ADAMTSL1: variants seen among roughly 807,000 people sequenced by gnomAD.
ADAMTSL1 encodes the protein ADAMTS like 1.
ADAMTSL1 carries 126 observed loss-of-function variants against 201.8 expected under a neutral mutation model. That is an observed-to-expected ratio of 0.62 (90% CI 0.54 to 0.72). The LOEUF is 0.72. Among genes scored for constraint, ADAMTSL1 ranks in the 30% least tolerant of loss-of-function variants. ADAMTSL1 has a pLI of 0.00. For synonymous variants in ADAMTSL1, 1,121 were observed against 903.4 expected (o/e 1.24, Z -4.32); for missense variants, 2,679 against 2,277.8 (o/e 1.18, Z -3.59).
intron 1 of ADAMTSL1, among the ~76,000 whole-genome samples, chr9:18,045,598 C>T (rs968448109): frequency 1.3e-5 from 2 of 152,160 alleles, no homozygotes; most frequent in Admixed American, 6.5e-5. Flanking sequence ...TGCCCAAATA[C>T]AAAAGCACTG....
At chr9:18,224,491 G>T (rs982248246) in intron 2 of ADAMTSL1, among the ~76,000 whole-genome samples, 4 of 152,046 alleles carry the variant, frequency 2.6e-5, no homozygotes, top group Non-Finnish European at 4.4e-5. Context: ...AATTTTGGTG[G>T]AGACAAAAAT....
chr9:18,775,999 A>C, intron 18 of ADAMTSL1, 103 bp downstream of exon 18: 10 of 1,430,684 alleles, frequency 7.0e-6, no homozygotes, highest in Non-Finnish European at 9.4e-6. Flanking sequence ...TGTGGGAAAT[A>C]GTGGGACAGT....
chr9:18,541,074 T>TTAAA (rs1820105500), intron 3 of ADAMTSL1, among the ~76,000 whole-genome samples: 1 of 152,360 alleles, frequency 6.6e-6, no homozygotes, highest in African/African-American at 2.4e-5. Flanking sequence ...TGCTCTCATG[T>TTAAA]TAAAGTCAGA....
chr9:18,832,070 G>A (rs1490263033), intron 23 of ADAMTSL1, among the ~76,000 whole-genome samples: 1 of 152,172 alleles, frequency 6.6e-6, no homozygotes. Flanking sequence ...AAACACCATT[G>A]CTTTAAGACT....
chr9:18,625,668 T>A (rs79438518), intron 5 of ADAMTSL1, among the ~76,000 whole-genome samples: 1,996 of 152,344 alleles, frequency 0.013, 21 homozygotes, highest in South Asian at 0.033. Context: ...ACAAGATTTA[T>A]TGACTTATAC....
At chr9:18,124,830 G>T (rs984892389) in intron 1 of ADAMTSL1, among the ~76,000 whole-genome samples, 27 of 152,166 alleles carry the variant, frequency 1.8e-4, no homozygotes, top group African/African-American at 6.3e-4. Flanking sequence ...TTAGTTTTCT[G>T]GTCCGAAGTG....
At chr9:17,956,151 A>G (rs1042359096) in intron 1 of ADAMTSL1, among the ~76,000 whole-genome samples, 3 of 152,142 alleles carry the variant, frequency 2.0e-5, no homozygotes, top group Non-Finnish European at 4.4e-5. Context: ...AGAAATTTAC[A>G]TTTTTCATAA....
chr9:18,871,090 G>A (rs537552712), intron 23 of ADAMTSL1, among the ~76,000 whole-genome samples: 15 of 152,268 alleles, frequency 9.9e-5, no homozygotes, highest in Admixed American at 7.8e-4. Flanking sequence ...GGCATTAAAT[G>A]TAATATTTTG....
At chr9:18,058,351 G>C (rs1429881653) in intron 1 of ADAMTSL1, among the ~76,000 whole-genome samples, 1 of 152,152 alleles carries the variant, frequency 6.6e-6, no homozygotes, top group African/African-American at 2.4e-5. Flanking sequence ...GAAGAGACCA[G>C]ATGGGCACAC....
At chr9:18,403,282 T>A (rs201327276) in intron 2 of ADAMTSL1, among the ~76,000 whole-genome samples, 1 of 151,972 alleles carries the variant, frequency 6.6e-6, no homozygotes, top group South Asian at 2.1e-4. Flanking sequence ...CTCCTGGGTT[T>A]AAGTGATTCT....
chr9:17,926,940 G>C (rs1826561720), intron 1 of ADAMTSL1, among the ~76,000 whole-genome samples: 1 of 152,126 alleles, frequency 6.6e-6, no homozygotes, highest in Non-Finnish European at 1.5e-5. Context: ...CCACTTTTAA[G>C]TTTACATTTC....
chr9:18,561,254 A>G (rs1821476582), intron 3 of ADAMTSL1, among the ~76,000 whole-genome samples: 1 of 152,192 alleles, frequency 6.6e-6, no homozygotes, highest in Admixed American at 6.5e-5. Context: ...TTGGTTTCAA[A>G]GAACTTATTT....
chr9:18,776,190 T>A (rs181540563), intron 18 of ADAMTSL1, among the ~76,000 whole-genome samples: 41 of 152,218 alleles, frequency 2.7e-4, no homozygotes, highest in Admixed American at 1.0e-3. Context: ...TTACTAATGA[T>A]GTCTAATGTT....
At chr9:18,742,343 A>G (rs1334748057) in intron 15 of ADAMTSL1, among the ~76,000 whole-genome samples, 1 of 152,238 alleles carries the variant, frequency 6.6e-6, no homozygotes, top group Non-Finnish European at 1.5e-5. Flanking sequence ...ATGAATGTCA[A>G]ATTATTTCCT....
chr9:18,626,775 C>A, intron 5 of ADAMTSL1, among the ~76,000 whole-genome samples: 1 of 152,260 alleles, frequency 6.6e-6, no homozygotes, highest in Middle Eastern at 3.4e-3. Flanking sequence ...GAGAAGTGAT[C>A]CAATCATAGA....
intron 1 of ADAMTSL1, among the ~76,000 whole-genome samples, chr9:18,155,037 A>G (rs1352867696): frequency 6.6e-6 from 1 of 151,970 alleles, no homozygotes; most frequent in Non-Finnish European, 1.5e-5. Context: ...GAATTACACT[A>G]CTTATAATGC....
At chr9:18,523,387 AG>A (rs1818824996) in intron 2 of ADAMTSL1, among the ~76,000 whole-genome samples, 1 of 152,204 alleles carries the variant, frequency 6.6e-6, no homozygotes, top group South Asian at 2.1e-4. Context: ...CCCATTCTGT[AG>A]GTTGCCTGTT....
rs1315027207 is a variant in ADAMTSL1 at position 18,890,669 on chromosome 9, C to G, written c.4643+921C>G. 2.4e-5 allele frequency: 11 copies of G among 452,554 alleles called. No individual in the cohort carries two copies. The East Asian group carries it at 6.9e-4, about 29-fold the overall frequency. 28.0% of individuals were successfully genotyped at this position (452,554 alleles called of 1,614,324 possible). A position where few individuals can be genotyped will look rare whatever the true frequency, so the allele number is the denominator to read the frequency against. On this transcript the variant is annotated intron_variant, in intron 25 of 28. Transcript: ENST00000380548. Reference sequence around the variant, plus strand: ...AGGTTTCCACAGGAATGATTAATGTCCTTTTATACCCTTCCTGAACTGTAA... The same window carrying G: ...AGGTTTCCACAGGAATGATTAATGTGCTTTTATACCCTTCCTGAACTGTAA...
intron 3 of ADAMTSL1, among the ~76,000 whole-genome samples, chr9:18,554,793 C>T (rs1821007343): frequency 6.6e-6 from 1 of 151,406 alleles, no homozygotes; most frequent in African/African-American, 2.4e-5. Flanking sequence ...CTCTGCCTAC[C>T]ACATGTACAG....
Sources: allele counts gnomAD v4.1 joint callset (sites outside exome capture counted in the v4.1 genomes callset), GRCh38; gene constraint gnomAD v4.1.1; transcripts MANE v1.5; gene names NCBI Gene and HGNC (gene_info 2026-07-23, HGNC 2026-07-21).